UFL1: variants seen among roughly 807,000 people sequenced by gnomAD.
UFL1 encodes the protein UFM1 specific ligase 1, also known as E3 UFM1-protein ligase 1.
A neutral mutation model predicts 99.3 loss-of-function variants in UFL1; 78 were observed. The ratio of observed to expected loss-of-function variants is 0.79; its 90% CI spans 0.65 to 0.95. UFL1 has a LOEUF of 0.95. UFL1 is among the 40% of genes least tolerant of loss of function. The pLI, the probability that UFL1 is intolerant of heterozygous loss-of-function variation, is 0.00. For missense variants in UFL1, 936 were observed against 937.0 expected, an observed-to-expected ratio of 1.00 and a Z score of 0.01; for synonymous variants, 335 against 322.2, an observed-to-expected ratio of 1.04 and a Z score of -0.42.
In UFL1 at chr6:96,554,107, A is replaced by C. The variant is rs1380732321; in HGVS notation, c.*604A>C. ...AACATTGATTTTGGTTGGGGCTGCA[A>C]GGATGCCTTTACAGGTGCACAAGAA... On this transcript the variant is annotated 3_prime_UTR_variant, in exon 19 of 19. Coordinates refer to ENST00000369278, the MANE Select transcript of UFL1 (RefSeq NM_015323.5). The C allele has an allele frequency of 2.6e-5, 4 of 152,438 alleles. No homozygotes were observed. The highest frequency in any genetic ancestry group is 9.6e-5 in the African/African-American group (4 of 41,474). 9.4% of individuals were successfully genotyped at this position (152,438 alleles called of 1,614,324 possible).
intron 1 of UFL1, 61 bp downstream of exon 1, chr6:96,522,011 A>T: frequency 1.3e-6 from 2 of 1,547,436 alleles, no homozygotes; most frequent in South Asian, 1.2e-5. Context: ...ACACGCCTGT[A>T]TCTGGGACTT....
intron 1 of UFL1, among the ~76,000 whole-genome samples, chr6:96,522,506 G>A (rs1378949540): frequency 6.6e-6 from 1 of 152,150 alleles, no homozygotes; most frequent in Non-Finnish European, 1.5e-5. Context: ...TGTGTCCAGA[G>A]GAGCCTAACT....
chr6:96,549,112 G>A (rs1052473770), intron 13 of UFL1, among the ~76,000 whole-genome samples: 3 of 151,578 alleles, frequency 2.0e-5, no homozygotes, highest in Admixed American at 6.6e-5. Flanking sequence ...CAGATTTATA[G>A]TCTACTAGTC....
In UFL1 at chr6:96,534,324, G is replaced by A; in HGVS notation, c.655+3G>A. ...ATTTCAGGAGCAGCTTCTTTACTGT[G>A]AGTTTGGTTTAAATTATATTTACTT... On this transcript the variant is annotated splice_donor_region_variant and intron_variant, in intron 7 of 18. Transcript: ENST00000369278. 1 of 1,569,076 alleles carries A rather than the reference G, an allele frequency of 6.4e-7. No individual in the cohort carries two copies. Among genetic ancestry groups the A allele is most frequent in the Non-Finnish European group, 8.6e-7 (1 of 1,157,506 alleles).
In UFL1 at chr6:96,548,191, T is replaced by A. The variant is rs1340152651; in HGVS notation, c.1430T>A (p.Met477Lys). 12 of 1,602,690 alleles carry A rather than the reference T, an allele frequency of 7.5e-6. No homozygotes were observed. Among genetic ancestry groups the A allele is most frequent in the Non-Finnish European group, 9.4e-6 (11 of 1,174,062 alleles). Residue 477 changes from methionine (M) to lysine (K), a missense_variant, in exon 13 of 19, where the codon ATG becomes AAG. Transcript: ENST00000369278. ...TGKKKPEISFMFQDEIEDFLR... is the reference protein window; with the variant it reads ...TGKKKPEISFKFQDEIEDFLR... The stretch of plus-strand genomic sequence containing the variant: ...AAGAAGAAGCCAGAGATCAGTTTTA[T>A]GTTCCAGGATGAGATTGAAGATTTT...
At chr6:96,551,247 G>C (rs1770075408) in intron 15 of UFL1, among the ~76,000 whole-genome samples, 186 bp from the exon 16 acceptor site, 1 of 151,976 alleles carries the variant, frequency 6.6e-6, no homozygotes, top group Non-Finnish European at 1.5e-5. Flanking sequence ...GAGCAGGGCT[G>C]TATCTATCCT....
chr6:96,521,998 C>A, intron 1 of UFL1, 48 bp downstream of exon 1: 1 of 1,575,472 alleles, frequency 6.3e-7, no homozygotes, highest in Middle Eastern at 1.7e-4. Context: ...AGGCCGTGGG[C>A]GGACACGCCT....
chr6:96,527,315 G>C (rs1769718529), intron 5 of UFL1, among the ~76,000 whole-genome samples: 1 of 151,950 alleles, frequency 6.6e-6, no homozygotes, highest in Non-Finnish European at 1.5e-5. Flanking sequence ...AGGAAATATT[G>C]TCTTTTTTAT....
intron 4 of UFL1, 117 bp downstream of exon 4, chr6:96,525,511 G>C (rs1582436558): frequency 1.3e-6 from 1 of 773,656 alleles, no homozygotes; most frequent in African/African-American, 1.8e-5. Flanking sequence ...AACTCTTACA[G>C]TGTTGATTTT....
At chr6:96,543,472 G>T (rs986750881) in intron 12 of UFL1, among the ~76,000 whole-genome samples, 1 of 151,106 alleles carries the variant, frequency 6.6e-6, no homozygotes, top group Non-Finnish European at 1.5e-5. Context: ...AAGAGAATTG[G>T]CCAACAAAGA....
Position 96,554,223 on chromosome 6 carries a change from A to T in UFL1, c.*720A>T, listed in dbSNP as rs1355042300. Reference sequence around the variant, plus strand: ...CATGCAATTTATTACCAGTAAGCATAAGTCATATTTAACATTGGAATAACT... The same window carrying T: ...CATGCAATTTATTACCAGTAAGCATTAGTCATATTTAACATTGGAATAACT... On this transcript the variant is annotated 3_prime_UTR_variant, in exon 19 of 19. Transcript: ENST00000369278. The T allele has an allele frequency of 6.6e-6, 1 of 152,198 alleles. No homozygotes were observed. Among genetic ancestry groups the T allele is most frequent in the East Asian group, 1.9e-4 (1 of 5,200 alleles). The allele number at this position is 152,198 out of a possible 1,614,324, so 9.4% of individuals were successfully genotyped here. A position where few individuals can be genotyped will look rare whatever the true frequency, so the allele number is the denominator to read the frequency against.
intron 3 of UFL1, among the ~76,000 whole-genome samples, chr6:96,525,028 T>C (rs996013725): frequency 2.0e-5 from 3 of 152,056 alleles, no homozygotes; most frequent in Non-Finnish European, 4.4e-5. Flanking sequence ...TTTCGTATTA[T>C]TTCAGATTGA....
intron 12 of UFL1, among the ~76,000 whole-genome samples, chr6:96,547,922 G>T (rs1406958270): frequency 2.0e-5 from 3 of 151,462 alleles, no homozygotes; most frequent in Non-Finnish European, 4.4e-5. Flanking sequence ...AGTATGTCTT[G>T]TATTCATGTA....
chr6:96,526,557 CT>C, intron 5 of UFL1, 122 bp downstream of exon 5: 1 of 771,170 alleles, frequency 1.3e-6, no homozygotes, highest in Non-Finnish European at 2.1e-6. Flanking sequence ...TTGCAGGTGT[CT>C]GACTTGATAT....
In UFL1 at chr6:96,537,444, A is replaced by G. The variant is rs778686559; in HGVS notation, c.873A>G (p.Thr291=). Residue 291 remains threonine (T), a synonymous_variant, in exon 9 of 19, where the codon ACA becomes ACG. Coordinates refer to ENST00000369278, the MANE Select transcript of UFL1 (RefSeq NM_015323.5). ...VSYIKKRYKT[T]QLLFLKAACV... ...ACATAAAGAAAAGATATAAGACTAC[A>G]CAACTCTTGTTTTTGAAAGCAGCTT... 3 of 1,610,284 alleles carry G rather than the reference A, an allele frequency of 1.9e-6. No individual in the cohort carries two copies. Among genetic ancestry groups the G allele is most frequent in the Non-Finnish European group, 1.7e-6 (2 of 1,177,946 alleles).
chr6:96,554,402 G>A lies in UFL1; in HGVS notation c.*899G>A, dbSNP rs1431240848. On this transcript the variant is annotated 3_prime_UTR_variant, in exon 19 of 19. Coordinates refer to ENST00000369278, the MANE Select transcript of UFL1 (RefSeq NM_015323.5). ...TCCAGTGGTAGGAGCATCTGTAAGT[G>A]CATTTAAATCATTAGAAGCTTTTTT... 1 of 151,976 alleles carries A rather than the reference G, an allele frequency of 6.6e-6. No homozygotes were observed. Among genetic ancestry groups the A allele is most frequent in the African/African-American group, 2.4e-5 (1 of 41,394 alleles). 9.4% of individuals were successfully genotyped at this position (151,976 alleles called of 1,614,324 possible).
At chr6:96,524,258 T>C in intron 2 of UFL1, 124 bp from the exon 3 acceptor site, 1 of 791,010 alleles carries the variant, frequency 1.3e-6, no homozygotes, top group Non-Finnish European at 2.0e-6. Flanking sequence ...TTTGAAGACA[T>C]TGATTATTCT....
chr6:96,521,899 G>A lies in UFL1; in HGVS notation c.26G>A (p.Arg9Lys), dbSNP rs755427839. The change falls in exon 1 of 19, where the codon AGG (arginine) becomes AAG (lysine). Residue 9 changes from arginine to lysine, a missense_variant. Arg to Lys is a conservative substitution (Grantham distance 26, BLOSUM62 2). Transcript: ENST00000369278. MADAWEEI[R>K]RLAADFQRAQ... is the part of the protein sequence containing the mutation. ...ATGGCGGACGCCTGGGAAGAGATTAGGCGGTTGGCGGCCGACTTCCAGCGG... is the reference window on the plus strand; with the variant it reads ...ATGGCGGACGCCTGGGAAGAGATTAAGCGGTTGGCGGCCGACTTCCAGCGG... 1.1e-5 allele frequency: 18 copies of A among 1,612,522 alleles called. No homozygotes were observed. Among genetic ancestry groups the A allele is most frequent in the South Asian group, 5.5e-5 (5 of 90,672 alleles).
chr6:96,551,749 A>C, intron 16 of UFL1, 89 bp from the exon 17 acceptor site: 1 of 908,558 alleles, frequency 1.1e-6, no homozygotes, highest in South Asian at 1.8e-5. Context: ...TGTATTTGGG[A>C]TGTAAAATTA....
Sources: allele counts gnomAD v4.1 joint callset (sites outside exome capture counted in the v4.1 genomes callset), GRCh38; gene constraint gnomAD v4.1.1; transcripts MANE v1.5; gene names NCBI Gene and HGNC (gene_info 2026-07-23, HGNC 2026-07-21).